The following FRMD6 variants were observed in gnomAD, a reference collection of about 807,000 sequenced individuals.
FRMD6 encodes FERM domain-containing protein 6.
A neutral mutation model predicts 73.2 loss-of-function variants in FRMD6; 37 were observed. That is an observed-to-expected ratio of 0.51 (90% CI 0.39 to 0.66). FRMD6 has a LOEUF of 0.66. FRMD6 is among the 30% of genes least tolerant of loss of function. The pLI is 0.00. For synonymous variants in FRMD6, 273 were observed against 282.2 expected, an observed-to-expected ratio of 0.97 and a Z score of 0.33; for missense variants, 714 against 780.5, an observed-to-expected ratio of 0.91 and a Z score of 1.02.
At chr14:51,444,200 A>T in the FRMD6 span, among the ~76,000 whole-genome samples, 1 of 152,216 alleles carries the variant, frequency 6.6e-6, no homozygotes, top group South Asian at 2.1e-4. Context: ...AAGTGCCGGG[A>T]TTACAGGCGT....
chr14:51,661,788 G>A (rs1185637077), intron 1 of FRMD6, among the ~76,000 whole-genome samples: 1 of 152,156 alleles, frequency 6.6e-6, no homozygotes, highest in Non-Finnish European at 1.5e-5. Context: ...ATTGGAGTGG[G>A]TTCAAAGAGA....
At chr14:51,476,014 T>C in the FRMD6 span, among the ~76,000 whole-genome samples, 2 of 152,200 alleles carry the variant, frequency 1.3e-5, no homozygotes, top group African/African-American at 4.8e-5. Flanking sequence ...CCGGCTATTT[T>C]AGGACCCTGG....
chr14:51,620,467 G>A (rs1050980515), intron 2 of FRMD6, among the ~76,000 whole-genome samples: 7 of 152,038 alleles, frequency 4.6e-5, no homozygotes, highest in African/African-American at 1.4e-4. Context: ...AGTCCTCACC[G>A]AGAAAGGTAT....
chr14:51,475,652 C>A, the FRMD6 span, among the ~76,000 whole-genome samples: 2 of 152,158 alleles, frequency 1.3e-5, no homozygotes, highest in African/African-American at 2.4e-5. Flanking sequence ...CATAGATATG[C>A]TATTATGGTT....
intron 2 of FRMD6, among the ~76,000 whole-genome samples, chr14:51,696,380 AATT>A (rs1231811860): frequency 6.0e-5 from 9 of 151,038 alleles, no homozygotes; most frequent in Non-Finnish European, 1.3e-4. Flanking sequence ...ATGAGATAAT[AATT>A]ATTATTTGTA....
In FRMD6 at chr14:51,524,970, G is replaced by C. The variant is rs79438911; in HGVS notation, c.-210+35550G>C. On this transcript the variant is annotated intron_variant, in intron 1 of 14. Transcript: ENST00000356218. ...AAGATTTTTACTTCTTTTTCTTTTT[G>C]TATCTCTCTATTAAAAAACACACAA... 3.9e-4 allele frequency among the ~76,000 whole-genome samples: 32 copies of C among 81,648 alleles called. No individual in the cohort carries two copies. The East Asian group carries it at 9.1e-3, about 23-fold the overall frequency. The allele number at this position is 81,648 out of a possible 152,430, so 53.6% of individuals were successfully genotyped here.
At chr14:51,683,395 T>C (rs1894939047) in intron 1 of FRMD6, among the ~76,000 whole-genome samples, 1 of 152,124 alleles carries the variant, frequency 6.6e-6, no homozygotes, top group African/African-American at 2.4e-5. Flanking sequence ...TCCTCCTGCC[T>C]CAGCCTCCTG....
intron 8 of FRMD6, 61 bp downstream of exon 8, chr14:51,711,657 CTG>C: frequency 8.3e-7 from 1 of 1,202,110 alleles, no homozygotes; most frequent in Non-Finnish European, 1.2e-6. Context: ...CAGCATGCCT[CTG>C]TGGTCCTGCC....
chr14:51,411,191 G>A, the FRMD6 span, among the ~76,000 whole-genome samples: 2 of 152,178 alleles, frequency 1.3e-5, no homozygotes, highest in African/African-American at 4.8e-5. Context: ...GGTCTCATAA[G>A]CAAAGGCTGA....
chr14:51,719,280 C>T (rs1897405975), intron 10 of FRMD6, among the ~76,000 whole-genome samples: 1 of 152,182 alleles, frequency 6.6e-6, no homozygotes, highest in Non-Finnish European at 1.5e-5. Context: ...CGTTAAAGAA[C>T]AGCACTGACA....
chr14:51,534,109 G>T (rs772452283), intron 1 of FRMD6, among the ~76,000 whole-genome samples: 3 of 152,086 alleles, frequency 2.0e-5, no homozygotes, highest in African/African-American at 7.2e-5. Context: ...GGAGGGTGGG[G>T]GTACACAGGG....
the FRMD6 span, among the ~76,000 whole-genome samples, chr14:51,418,887 G>A: frequency 4.4e-3 from 677 of 152,334 alleles, 6 homozygotes; most frequent in African/African-American, 0.015. Context: ...CAGCAATGGC[G>A]GATGCCCCTC....
intron 1 of FRMD6, among the ~76,000 whole-genome samples, chr14:51,538,350 T>A (rs976387037): frequency 6.6e-6 from 1 of 152,036 alleles, no homozygotes; most frequent in Non-Finnish European, 1.5e-5. Context: ...ATTCTGTGGG[T>A]TTTTTACTTT....
rs528409085 is a variant in FRMD6, at chr14:51,589,785, G to A, written c.-147+19375G>A. Among the ~76,000 whole-genome samples, 23 of 152,308 alleles carry A rather than the reference G, an allele frequency of 1.5e-4. No homozygotes were observed. In the East Asian group the frequency reaches 1.7e-3, roughly 12 times the overall value. On this transcript the variant is annotated intron_variant, in intron 2 of 14. Transcript: ENST00000356218. ...GATATCAATAAATGATCACGTAAATGAGGCTGTGCATGGTGGCTCACGCCT... is the reference window on the plus strand; with the variant it reads ...GATATCAATAAATGATCACGTAAATAAGGCTGTGCATGGTGGCTCACGCCT...
At chr14:51,700,419 A>T (rs1896232803) in intron 3 of FRMD6, among the ~76,000 whole-genome samples, 1 of 152,028 alleles carries the variant, frequency 6.6e-6, no homozygotes, top group Non-Finnish European at 1.5e-5. Flanking sequence ...ATGTTTTGGC[A>T]TCCATACTTG....
intron 1 of FRMD6, among the ~76,000 whole-genome samples, chr14:51,551,331 T>G (rs1191047321): frequency 6.6e-6 from 1 of 152,234 alleles, no homozygotes; most frequent in African/African-American, 2.4e-5. Context: ...AGGTTCATCG[T>G]AGAAGAAAAA....
intron 2 of FRMD6, 65 bp from the exon 3 acceptor site, chr14:51,698,077 G>C (rs1056194755): frequency 8.5e-7 from 1 of 1,171,372 alleles, no homozygotes; most frequent in Non-Finnish European, 1.3e-6. Context: ...TAAATTGCCT[G>C]ATTGTGGCTC....
chr14:51,567,963 A>G (rs184782497), intron 1 of FRMD6, among the ~76,000 whole-genome samples: 156 of 152,374 alleles, frequency 1.0e-3, no homozygotes, highest in African/African-American at 3.7e-3. Context: ...ATACGTAGTT[A>G]TACTAGGAAT....
intron 1 of FRMD6, among the ~76,000 whole-genome samples, chr14:51,563,717 T>C (rs1310379944): frequency 1.3e-5 from 2 of 152,202 alleles, no homozygotes; most frequent in African/African-American, 4.8e-5. Context: ...AATACAACTT[T>C]GATGTAATGC....
Sources: gnomAD v4.1 joint callset for allele counts (sites outside exome capture counted in the v4.1 genomes callset) on GRCh38, gnomAD v4.1.1 for gene constraint, MANE v1.5 for transcripts, NCBI Gene and HGNC (gene_info 2026-07-23, HGNC 2026-07-21) for gene names.